MUC4: variants seen among roughly 807,000 people sequenced by gnomAD.
MUC4 encodes the protein mucin 4, cell surface associated, also known as mucin-4.
In MUC4, 202 loss-of-function variants were observed where a neutral mutation model predicts 257.9. The ratio of observed to expected loss-of-function variants is 0.78; its 90% CI spans 0.70 to 0.88. MUC4 has a LOEUF of 0.88. Ranked by LOEUF, MUC4 falls within the 40% of genes least tolerant of loss-of-function variation. The pLI, the probability that MUC4 is intolerant of heterozygous loss-of-function variation, is 0.00. For missense variants in MUC4, 5,976 were observed against 6,513.7 expected (o/e 0.92, Z 2.84); for synonymous variants, 2,351 against 2,757.1 (o/e 0.85, Z 4.62).
chr3:195,804,244 T>C (rs1279756911), intron 1 of MUC4, among the ~76,000 whole-genome samples: 1 of 152,200 alleles, frequency 6.6e-6, no homozygotes, highest in Non-Finnish European at 1.5e-5. Flanking sequence ...TTTTCTCTCC[T>C]TGAACCACGT....
At chr3:195,754,058 T>G in intron 19 of MUC4, 155 bp downstream of exon 19, 1 of 1,068,442 alleles carries the variant, frequency 9.4e-7, no homozygotes, top group Non-Finnish European at 1.3e-6. Context: ...CTAGATGATT[T>G]CCCACACCTG....
Position 195,788,774 on chromosome 3 carries a change from G to C in MUC4, c.2806C>G (p.Pro936Ala). Reference sequence around the variant, plus strand: ...GATGTGATCGATGGAGGTGTGGGTGGGACTGTTGAGAAGGTGTCGGTTGCC... The same window carrying C: ...GATGTGATCGATGGAGGTGTGGGTGCGACTGTTGAGAAGGTGTCGGTTGCC... ...SQATDTFSTV[P>A]PTPPSITSTG... The change falls in exon 2 of 25, where the codon CCA (proline) becomes GCA (alanine). Residue 936 changes from proline to alanine, a missense_variant. This residue lies in a region of MUC4 where 1,583 missense variants were observed against 1,257.4 expected (regional missense o/e 1.26). Transcript: ENST00000463781. 6.2e-7 allele frequency: 1 copy of C among 1,613,884 alleles called. No homozygotes were observed. Among genetic ancestry groups the C allele is most frequent in the South Asian group, 1.1e-5 (1 of 91,076 alleles).
rs201002111 is a variant in MUC4, at chr3:195,779,055, G to A, written c.12525C>T (p.Thr4175=). The change falls in exon 2 of 25, where the codon ACC becomes ACT. Residue 4175 remains threonine (T), a synonymous_variant. Transcript: ENST00000463781. ...DASSVSTGHG[T]PLPVTSTSSA... ...AGGAAGTGCTGGTGACAGGAAGAGG[G>A]GTGCCGTGACCTGTGGACACTGAGG... The A allele has an allele frequency of 3.8e-6, 4 of 1,061,496 alleles. No individual in the cohort carries two copies. Among genetic ancestry groups the A allele is most frequent in the Non-Finnish European group, 5.1e-6 (4 of 786,746 alleles). 65.8% of individuals were successfully genotyped at this position (1,061,496 alleles called of 1,614,324 possible). A position where few individuals can be genotyped will look rare whatever the true frequency, so the allele number is the denominator to read the frequency against.
chr3:195,778,444 G>C lies in MUC4; in HGVS notation c.12802C>G (p.Pro4268Ala), dbSNP rs780881386. 18 of 1,612,874 alleles carry C rather than the reference G, an allele frequency of 1.1e-5. No individual in the cohort carries two copies. The highest frequency in any genetic ancestry group is 1.4e-5 in the Non-Finnish European group (16 of 1,179,786). ...CTCCCACCGTCTGTCTTCAGTGACG[G>C]TGTTGTCATTCCTGGACACGTGAAA... is the stretch of plus-strand genomic sequence containing the variant. ...LKMETPGMTT[P>A]SLKTDGGRRT... The change falls in exon 3 of 25, where the codon CCG becomes GCG. Residue 4268 changes from proline (P) to alanine (A), a missense_variant. Pro to Ala is a conservative substitution (Grantham distance 27). Around this residue, in one of 44 missense-constraint regions of MUC4, gnomAD observed 233 missense variants for 171.2 expected, o/e 1.36. Coordinates refer to ENST00000463781, the MANE Select transcript of MUC4 (RefSeq NM_018406.7).
chr3:195,808,893 C>T (rs763795827), intron 1 of MUC4, among the ~76,000 whole-genome samples: 10 of 152,108 alleles, frequency 6.6e-5, no homozygotes, highest in South Asian at 2.1e-4. Flanking sequence ...ACAGATAGAC[C>T]GGGGGTTCTC....
chr3:195,790,932 G>A lies in MUC4; in HGVS notation c.648C>T (p.His216=), dbSNP rs1733780501. Residue 216 remains histidine (H), a synonymous_variant, in exon 2 of 25, where the codon CAC becomes CAT. Coordinates refer to ENST00000463781, the MANE Select transcript of MUC4 (RefSeq NM_018406.7). ...TRESQTSTLT[H]RTTSTPSFSP... ...AGAAAGAAGGAGTTGAAGTGGTTCT[G>A]TGTGTTAGGGTGCTGGTTTGAGATT... 6.2e-7 allele frequency: 1 copy of A among 1,613,822 alleles called. No individual in the cohort carries two copies. The highest frequency in any genetic ancestry group is 1.7e-5 in the Admixed American group (1 of 59,996).
rs755686884 is a variant in MUC4, at chr3:195,789,193, C to T, written c.2387G>A (p.Arg796Gln). The T allele has an allele frequency of 1.4e-5, 23 of 1,613,798 alleles. No homozygotes were observed. Among genetic ancestry groups the T allele is most frequent in the African/African-American group, 2.7e-5 (2 of 74,970 alleles). Reference sequence around the variant, plus strand: ...GGTAGCTGTGCCCGCTGAGGTGGTTCGTGACCCTGAGGAGGCCGGTTCGCT... The same window carrying T: ...GGTAGCTGTGCCCGCTGAGGTGGTTTGTGACCCTGAGGAGGCCGGTTCGCT... ...QTSEPASSGS[R>Q]TTSAGTATPS... is the part of the protein sequence containing the mutation. Residue 796 changes from arginine to glutamine, a missense_variant, in exon 2 of 25, where the codon CGA (arginine) becomes CAA (glutamine). By Grantham distance (43) the Arg-to-Gln change is conservative. Coordinates refer to ENST00000463781, the MANE Select transcript of MUC4 (RefSeq NM_018406.7).
At position 195,761,595 on chromosome 3, in the gene MUC4, A is replaced by T; in HGVS notation, c.14513-10T>A. 1 of 1,611,036 alleles carries T rather than the reference A, an allele frequency of 6.2e-7. No individual in the cohort carries two copies. Among genetic ancestry groups the T allele is most frequent in the Non-Finnish European group, 8.5e-7 (1 of 1,177,386 alleles). Reference sequence around the variant, plus strand: ...TTGTTATTCCAGACCCCTGAGGGACAGAGTGGGAGGTTGGCCACCCTGGGC... The same window carrying T: ...TTGTTATTCCAGACCCCTGAGGGACTGAGTGGGAGGTTGGCCACCCTGGGC... On this transcript the variant is annotated splice_polypyrimidine_tract_variant and intron_variant, in intron 14 of 24. Transcript: ENST00000463781.
chr3:195,754,443 G>A, intron 18 of MUC4, 71 bp from the exon 19 acceptor site: 1 of 1,528,410 alleles, frequency 6.5e-7, no homozygotes, highest in Non-Finnish European at 8.8e-7. Context: ...GTTTCTGACT[G>A]ACCCCTTTGG....
Position 195,790,486 on chromosome 3 carries a change from A to G in MUC4, c.1094T>C (p.Val365Ala), listed in dbSNP as rs1733722250. Residue 365 changes from valine (V) to alanine (A), a missense_variant, in exon 2 of 25, where the codon GTT becomes GCT. Val to Ala is a moderately conservative substitution (Grantham distance 64). Coordinates refer to ENST00000463781, the MANE Select transcript of MUC4 (RefSeq NM_018406.7). ...ACCAGAAGGGAATGTCTCCTGAGAA[A>G]CTGTTCCACTTGGGTTGAATCCACT... ...SPSGFNPSGT[V>A]SQETFPSGET... 3 of 1,614,038 alleles carry G rather than the reference A, an allele frequency of 1.9e-6. No homozygotes were observed. The highest frequency in any genetic ancestry group is 1.7e-6 in the Non-Finnish European group (2 of 1,179,888).
chr3:195,795,230 C>G (rs1410140539), intron 1 of MUC4, among the ~76,000 whole-genome samples: 1 of 152,146 alleles, frequency 6.6e-6, no homozygotes, highest in Non-Finnish European at 1.5e-5. Flanking sequence ...TAGACAGGAG[C>G]TATCTAGGGG....
intron 3 of MUC4, among the ~76,000 whole-genome samples, chr3:195,775,986 C>T (rs1724565761): frequency 8.4e-5 from 4 of 47,690 alleles, no homozygotes; most frequent in African/African-American, 5.8e-4. Flanking sequence ...ACATCCATAC[C>T]TTCCACAGTC....
Position 195,783,933 on chromosome 3 carries a change from G to A in MUC4, c.7647C>T (p.Ser2549=), listed in dbSNP as rs529811945. Residue 2549 remains serine, a synonymous_variant, in exon 2 of 25, where the codon AGC becomes AGT. Transcript: ENST00000463781. Reference sequence around the variant, plus strand: ...CGTGACCTGTGGATGCTGAGGAAGGGCTGGTGACATGAAGAGAGGTGGCGT... The same window carrying A: ...CGTGACCTGTGGATGCTGAGGAAGGACTGGTGACATGAAGAGAGGTGGCGT... ...TRHATSLHVT[S]PSSASTGHAT... 19 of 1,521,652 alleles carry A rather than the reference G, an allele frequency of 1.2e-5. No individual in the cohort carries two copies. The highest frequency in any genetic ancestry group is 2.0e-5 in the Admixed American group (1 of 49,710). The allele number at this position is 1,521,652 out of a possible 1,614,324, so 94.3% of individuals were successfully genotyped here. A position where few individuals can be genotyped will look rare whatever the true frequency, so the allele number is the denominator to read the frequency against.
chr3:195,760,024 G>A (rs1277524286), intron 16 of MUC4, among the ~76,000 whole-genome samples: 2 of 142,846 alleles, frequency 1.4e-5, no homozygotes, highest in African/African-American at 2.5e-5. Flanking sequence ...TCTGTTTCTC[G>A]GAGCCCTGCC....
chr3:195,775,364 G>C (rs1028838696), intron 3 of MUC4, among the ~76,000 whole-genome samples: 2 of 150,464 alleles, frequency 1.3e-5, no homozygotes, highest in African/African-American at 4.9e-5. Flanking sequence ...ACTTTCTGCA[G>C]CCATACCTAC....
chr3:195,786,284 TGTC>T lies in MUC4; in HGVS notation c.5293_5295del (p.Asp1765del). 1 of 1,480,274 alleles carries T rather than the reference TGTC, an allele frequency of 6.8e-7. No individual in the cohort carries two copies. Among genetic ancestry groups the T allele is most frequent in the African/African-American group, 1.6e-5 (1 of 63,660 alleles). The allele number at this position is 1,480,274 out of a possible 1,614,324, so 91.7% of individuals were successfully genotyped here. On this transcript the variant is annotated inframe_deletion, in exon 2 of 25. Transcript: ENST00000463781. ...GCGTGAGCTGTGGATACTGAGGAAGTGTCGGTGACAGGAAGAGGGGTGGCCTGA... is the reference window on the plus strand; with the variant it reads ...GCGTGAGCTGTGGATACTGAGGAAGTGGTGACAGGAAGAGGGGTGGCCTGA...
rs149206402 is a variant in MUC4 at position 195,761,231 on chromosome 3, C to T, written c.14615-114G>A. On this transcript the variant is annotated intron_variant, in intron 15 of 24. Transcript: ENST00000463781. The stretch of plus-strand genomic sequence containing the variant: ...GGAGCGGGGCGGTGGGAGTGCAGGG[C>T]CAGAGCGGTTTCCAGCTTCTGAGTC... 2.2e-3 allele frequency: 2,136 copies of T among 990,386 alleles called. 12 individuals are homozygous for T. The highest frequency in any genetic ancestry group is 7.3e-3 in the South Asian group (491 of 67,124). The allele number at this position is 990,386 out of a possible 1,614,324, so 61.3% of individuals were successfully genotyped here.
Position 195,763,649 on chromosome 3 carries a change from GA to G in MUC4, c.14045-9del. The G allele has an allele frequency of 2.7e-6, 4 of 1,500,992 alleles. No homozygotes were observed. The highest frequency in any genetic ancestry group is 2.2e-5 in the Admixed American group (1 of 45,896). The allele number at this position is 1,500,992 out of a possible 1,614,324, so 93.0% of individuals were successfully genotyped here. A position where few individuals can be genotyped will look rare whatever the true frequency, so the allele number is the denominator to read the frequency against. On this transcript the variant is annotated splice_polypyrimidine_tract_variant and intron_variant, in intron 11 of 24. Coordinates refer to ENST00000463781, the MANE Select transcript of MUC4 (RefSeq NM_018406.7). Reference sequence around the variant, plus strand: ...GGTCCCCGAACATCCAGGCTGGAAGGAAAAAAGAGATGCTGCCTCAGCATGA... The same window carrying G: ...GGTCCCCGAACATCCAGGCTGGAAGGAAAAAGAGATGCTGCCTCAGCATGA...
At position 195,789,388 on chromosome 3, in the gene MUC4, G is replaced by T; in HGVS notation, c.2192C>A (p.Ser731Ter). 6.2e-7 allele frequency: 1 copy of T among 1,613,958 alleles called. No homozygotes were observed. The highest frequency in any genetic ancestry group is 1.1e-5 in the South Asian group (1 of 91,074). ...AGTAAGGGCACCTGTTTTGGAAAGTGACGTGCCTCCTGAGGGCCCCAGGGT... is the reference window on the plus strand; with the variant it reads ...AGTAAGGGCACCTGTTTTGGAAAGTTACGTGCCTCCTGAGGGCCCCAGGGT... ...DATLGPSGGT[S>*]LSKTGALTLA... Residue 731 changes from serine (S) to a stop codon, truncating the protein, a stop_gained, in exon 2 of 25, where the codon TCA becomes TAA. Coordinates refer to ENST00000463781, the MANE Select transcript of MUC4 (RefSeq NM_018406.7). LOFTEE classifies it high-confidence loss of function.
Sources: gnomAD v4.1 joint callset for allele counts (sites outside exome capture counted in the v4.1 genomes callset) on GRCh38, gnomAD v4.1.1 for gene constraint, gnomAD v4.1.1 regional missense constraint, MANE v1.5 for transcripts, NCBI Gene and HGNC (gene_info 2026-07-23, HGNC 2026-07-21) for gene names.